SH3D21: variants seen among roughly 807,000 people sequenced by gnomAD.
The protein encoded by SH3D21 is SH3 domain-containing protein 21.
A neutral mutation model predicts 82.1 loss-of-function variants in SH3D21; 83 were observed. The ratio of observed to expected loss-of-function variants is 1.01; its 90% confidence interval spans 0.85 to 1.21. SH3D21 has a LOEUF of 1.21. SH3D21 is among the 50% of genes most tolerant of loss of function. SH3D21 has a pLI of 0.00. For synonymous variants in SH3D21, 383 were observed against 387.8 expected (o/e 0.99, Z 0.15); for missense variants, 980 against 962.1 (o/e 1.02, Z -0.25).
chr1:36,307,286 G>T lies in SH3D21; in HGVS notation c.345+1G>T. The T allele has an allele frequency of 6.4e-7, 1 of 1,551,874 alleles. No homozygotes were observed. The highest frequency in any genetic ancestry group is 1.4e-5 in the African/African-American group (1 of 73,192). On this transcript the variant is annotated splice_donor_variant, in intron 4 of 15. Transcript: ENST00000453908. LOFTEE classifies it high-confidence loss of function. This position sits in a 1 kb window ranked among gnomAD's most constrained non-coding sequence, Gnocchi z 5.4. ...GGAGATCGTGGAAATGATAAAGGAG[G>T]TGAGGGGTGAGGTGATGGGACCGTT...
At chr1:36,309,254 C>T (rs569710353) in intron 9 of SH3D21, among the ~76,000 whole-genome samples, 2 of 151,058 alleles carry the variant, frequency 1.3e-5, no homozygotes, top group South Asian at 2.1e-4. Flanking sequence ...TAGAGTGCAG[C>T]GGCAGGATCG....
rs1372264968 is a variant in SH3D21 at position 36,307,987 on chromosome 1, C to T, written c.538+24C>T. On this transcript the variant is annotated intron_variant, in intron 7 of 15. Coordinates refer to ENST00000453908, the MANE Select transcript of SH3D21 (RefSeq NM_001162530.2). The surrounding 1 kb of genome is among the most constrained non-coding windows in gnomAD (Gnocchi z 5.4). ...AGGTGAGCACCCATCCAAAGGGTCC[C>T]CCACTCCCTCAGCCACTCCCAAGGT... The T allele has an allele frequency of 4.5e-6, 7 of 1,551,590 alleles. No homozygotes were observed. In the Admixed American group the frequency reaches 1.4e-4, roughly 30 times the overall value.
downstream of SH3D21, chr1:36,322,950 T>TAC (rs765706320): frequency 1.2e-6 from 2 of 1,606,496 alleles, no homozygotes; most frequent in Non-Finnish European, 1.7e-6. Context: ...AGGCCCCCAG[T>TAC]CTTCCGGCGC....
At chr1:36,310,640 G>A (rs549606194) in intron 10 of SH3D21, among the ~76,000 whole-genome samples, 3 of 150,704 alleles carry the variant, frequency 2.0e-5, no homozygotes, top group Non-Finnish European at 4.4e-5. Context: ...TAACACCCAC[G>A]AACACCCATG....
At chr1:36,308,034 G>A in intron 7 of SH3D21, 71 bp downstream of exon 7, 3 of 1,550,242 alleles carry the variant, frequency 1.9e-6, no homozygotes, top group East Asian at 4.9e-5. Context: ...GGGCCAGCTA[G>A]GCTGATGGAG....
intron 10 of SH3D21, among the ~76,000 whole-genome samples, chr1:36,317,517 C>A (rs1216054393): frequency 6.6e-6 from 1 of 152,192 alleles, no homozygotes; most frequent in Non-Finnish European, 1.5e-5. Flanking sequence ...GTGTGCCCTT[C>A]TCTGGCCACC....
At chr1:36,316,056 C>G (rs1485674153) in intron 10 of SH3D21, among the ~76,000 whole-genome samples, 1 of 152,148 alleles carries the variant, frequency 6.6e-6, no homozygotes, top group Non-Finnish European at 1.5e-5. Flanking sequence ...TGTTCTCTAC[C>G]TGACAGTTCC....
At chr1:36,312,890 T>C (rs1316349759) in intron 10 of SH3D21, among the ~76,000 whole-genome samples, 2 of 152,130 alleles carry the variant, frequency 1.3e-5, no homozygotes, top group African/African-American at 4.8e-5. Flanking sequence ...TTTTTTGTAT[T>C]TTTAGTAGAG....
At chr1:36,308,574 A>T (rs558296108) in intron 9 of SH3D21, 99 bp downstream of exon 9, 2 of 932,736 alleles carry the variant, frequency 2.1e-6, no homozygotes, top group East Asian at 5.3e-5. Context: ...AGGGTCACTA[A>T]ATGAGGGTGG....
chr1:36,311,759 T>A (rs575830547), intron 10 of SH3D21, among the ~76,000 whole-genome samples: 1 of 151,938 alleles, frequency 6.6e-6, no homozygotes, highest in African/African-American at 2.4e-5. Flanking sequence ...ACAGTGGCAA[T>A]TGTAGCTCAT....
chr1:36,320,704 A>C lies in SH3D21; in HGVS notation c.2041A>C (p.Thr681Pro). 1 of 1,614,016 alleles carries C rather than the reference A, an allele frequency of 6.2e-7. No individual in the cohort carries two copies. Among genetic ancestry groups the C allele is most frequent in the Non-Finnish European group, 8.5e-7 (1 of 1,179,958 alleles). Residue 681 changes from threonine (T) to proline (P), a missense_variant, in exon 14 of 16, where the codon ACG becomes CCG. Physicochemically the swap from Thr to Pro is conservative, Grantham distance 38. Transcript: ENST00000453908. Reference protein sequence around the residue: ...ALPSLVPQNYTENKNEGVDVT... With the variant: ...ALPSLVPQNYPENKNEGVDVT... ...CCCCTCGCTGGTCCCGCAAAACTAC[A>C]CGGAAAACAAGAATGAAGGAGTTGA...
At chr1:36,322,541 G>A, downstream of SH3D21, 1 of 1,598,124 alleles carries the variant, frequency 6.3e-7, no homozygotes, top group Non-Finnish European at 8.5e-7. Context: ...GAGTCACCGT[G>A]TCCTCCTCGT....
downstream of SH3D21, among the ~76,000 whole-genome samples, chr1:36,326,326 G>C (rs1646544991): frequency 6.6e-6 from 1 of 151,694 alleles, no homozygotes; most frequent in African/African-American, 2.4e-5. Context: ...CTGTCTCCCG[G>C]ATTCGAGTGA....
rs1468302355 is a variant in SH3D21, at chr1:36,307,475, T to TG, written c.346-38dup. On this transcript the variant is annotated intron_variant, in intron 4 of 15. Transcript: ENST00000453908. This position sits in a 1 kb window ranked among gnomAD's most constrained non-coding sequence, Gnocchi z 5.4. ...GGTGGCAGATTATCCTAGGGACTCT[T>TG]GGGGCAGAACCAGACGCCTCTGCGT... 1 of 1,234,236 alleles carries TG rather than the reference T, an allele frequency of 8.1e-7. No individual in the cohort carries two copies. 76.5% of individuals were successfully genotyped at this position (1,234,236 alleles called of 1,614,324 possible). A position where few individuals can be genotyped will look rare whatever the true frequency, so the allele number is the denominator to read the frequency against.
chr1:36,322,367 G>T, downstream of SH3D21: 1 of 1,589,656 alleles, frequency 6.3e-7, no homozygotes, highest in African/African-American at 1.3e-5. Context: ...TGCCCAGCAG[G>T]TCCGGCTGCC....
At chr1:36,327,921 C>T (rs774053482), downstream of SH3D21, 10 of 1,257,678 alleles carry the variant, frequency 8.0e-6, no homozygotes, top group African/African-American at 1.5e-5. Context: ...CCAGCCTGTC[C>T]GTGGGTCAGC....
Position 36,319,772 on chromosome 1 carries a change from A to G in SH3D21, c.1109A>G (p.Asn370Ser). The G allele has an allele frequency of 6.2e-7, 1 of 1,611,998 alleles. No homozygotes were observed. The highest frequency in any genetic ancestry group is 1.7e-5 in the Admixed American group (1 of 59,666). Residue 370 changes from asparagine (N) to serine (S), a missense_variant, in exon 14 of 16, where the codon AAC (asparagine) becomes AGC (serine). Coordinates refer to ENST00000453908, the MANE Select transcript of SH3D21 (RefSeq NM_001162530.2). ...ATPERPPAPE[N>S]APSSKKIPAP... ...CCAGAGAGGCCCCCAGCTCCAGAGA[A>G]CGCCCCCAGCTCCAAGAAGATCCCG...
In SH3D21 at chr1:36,309,651, G is replaced by C. The variant is rs1646198991; in HGVS notation, c.769+61G>C. The C allele has an allele frequency of 1.8e-5, 27 of 1,538,334 alleles. No individual in the cohort carries two copies. In the South Asian group the frequency reaches 2.6e-4, roughly 15 times the overall value. On this transcript the variant is annotated intron_variant, in intron 10 of 15. Coordinates refer to ENST00000453908, the MANE Select transcript of SH3D21 (RefSeq NM_001162530.2). ...CTCTGGGAGACCCACCAGTCCAGTTGCTTATAAACACCCACAGCACCCCAG... is the reference window on the plus strand; with the variant it reads ...CTCTGGGAGACCCACCAGTCCAGTTCCTTATAAACACCCACAGCACCCCAG...
rs1336604447 is a variant in SH3D21, at chr1:36,309,560, G to A, written c.739G>A (p.Val247Ile). 1.9e-6 allele frequency: 3 copies of A among 1,551,544 alleles called. No homozygotes were observed. The Admixed American group carries it at 5.9e-5, about 30-fold the overall frequency. ...CTTTTCGGCATAGATCAAGAAGCTG[G>A]TCCCACGGAAAGTGGTATCTCGGGA... ...VLPPPPIKKL[V>I]PRKVVSRESA... Residue 247 changes from valine to isoleucine, a missense_variant, in exon 10 of 16, where the codon GTC becomes ATC. By Grantham distance (29) the Val-to-Ile change is conservative (BLOSUM62 3). Transcript: ENST00000453908.
Sources: allele counts gnomAD v4.1 joint callset (sites outside exome capture counted in the v4.1 genomes callset), GRCh38; gene constraint gnomAD v4.1.1; non-coding constraint Gnocchi (gnomAD v3.1); transcripts MANE v1.5; gene names NCBI Gene and HGNC (gene_info 2026-07-23, HGNC 2026-07-21).